CDH4: variants seen among roughly 807,000 people sequenced by gnomAD.
CDH4 encodes cadherin 4, also known as cadherin-4.
In CDH4, 33 loss-of-function variants were observed where a neutral mutation model predicts 86.0. The observed-to-expected ratio is 0.38, with a 90% CI of 0.29 to 0.51. The LOEUF (loss-of-function observed/expected upper bound fraction) is 0.51. CDH4 is among the 20% of genes least tolerant of loss of function. The pLI, the probability that CDH4 is intolerant of heterozygous loss-of-function variation, is 0.86. For synonymous variants in CDH4, 555 were observed against 549.4 expected (o/e 1.01, Z -0.14); for missense variants, 1,114 against 1,307.4 (o/e 0.85, Z 2.28).
intron 2 of CDH4, among the ~76,000 whole-genome samples, chr20:61,654,308 G>A (rs879683880): frequency 6.6e-6 from 1 of 152,204 alleles, no homozygotes; most frequent in Admixed American, 6.5e-5. Flanking sequence ...GCCTGCAATC[G>A]CAAGCACTCG....
chr20:61,837,886 G>A (rs147430730), intron 4 of CDH4, among the ~76,000 whole-genome samples: 25 of 152,164 alleles, frequency 1.6e-4, no homozygotes, highest in Admixed American at 2.6e-4. Context: ...TTGCTGGGTC[G>A]GCCACATCTC....
At chr20:61,253,910 G>A (rs1376671980) in intron 1 of CDH4, among the ~76,000 whole-genome samples, 1 of 152,186 alleles carries the variant, frequency 6.6e-6, no homozygotes, top group Non-Finnish European at 1.5e-5. Context: ...GCTCGCCGGG[G>A]AGCCAAGCAC....
At chr20:61,628,069 GCGT>G (rs2086847837) in intron 2 of CDH4, among the ~76,000 whole-genome samples, 4 of 152,114 alleles carry the variant, frequency 2.6e-5, no homozygotes, top group Admixed American at 2.6e-4. Flanking sequence ...GTGTGGGGAC[GCGT>G]GGACACAACC....
chr20:61,882,037 GA>G (rs1424202115), intron 7 of CDH4, among the ~76,000 whole-genome samples: 9 of 152,344 alleles, frequency 5.9e-5, no homozygotes, highest in African/African-American at 1.9e-4. Context: ...GAAGAGGCAG[GA>G]CAGGTCCTCC....
chr20:61,623,656 T>A lies in CDH4; in HGVS notation c.170-119907T>A, dbSNP rs1474675471. Among the ~76,000 whole-genome samples, 2 of 152,184 alleles carry A rather than the reference T, an allele frequency of 1.3e-5. No homozygotes were observed. ...TCACAGCTGATTCTGAGGGAGGTTCTGACGTCACCACGCAGCCCTGGGGAC... is the reference window on the plus strand; with the variant it reads ...TCACAGCTGATTCTGAGGGAGGTTCAGACGTCACCACGCAGCCCTGGGGAC... On this transcript the variant is annotated intron_variant, in intron 2 of 15. Transcript: ENST00000614565. This position sits in a 1 kb window ranked among gnomAD's most constrained non-coding sequence, Gnocchi z 4.4.
At chr20:61,541,325 C>T (rs2086037901) in intron 2 of CDH4, among the ~76,000 whole-genome samples, 1 of 152,218 alleles carries the variant, frequency 6.6e-6, no homozygotes, top group Non-Finnish European at 1.5e-5. Flanking sequence ...GGACGAAGCT[C>T]CTCCTGGGAT....
intron 9 of CDH4, among the ~76,000 whole-genome samples, chr20:61,918,414 C>G (rs1398558203): frequency 2.0e-5 from 3 of 152,168 alleles, no homozygotes; most frequent in African/African-American, 7.2e-5. Flanking sequence ...TCCCTATATC[C>G]CCCAGGCACC....
chr20:61,840,271 C>T (rs1390333114), intron 4 of CDH4, among the ~76,000 whole-genome samples: 1 of 152,138 alleles, frequency 6.6e-6, no homozygotes, highest in Non-Finnish European at 1.5e-5. Flanking sequence ...GGGTGGGTCT[C>T]TCCCTCCCCC....
intron 2 of CDH4, among the ~76,000 whole-genome samples, chr20:61,599,574 G>A (rs1568705779): frequency 6.6e-6 from 1 of 152,330 alleles, no homozygotes; most frequent in South Asian, 2.1e-4. Flanking sequence ...CCTCCCAGGC[G>A]GGGCAGCCCC....
intron 2 of CDH4, among the ~76,000 whole-genome samples, chr20:61,715,464 T>C (rs2098646882): frequency 6.6e-6 from 1 of 152,130 alleles, no homozygotes; most frequent in African/African-American, 2.4e-5. Flanking sequence ...AGGGAAGGCA[T>C]CACATGGTGA....
chr20:61,661,243 G>A (rs1308407809), intron 2 of CDH4, among the ~76,000 whole-genome samples: 2 of 152,176 alleles, frequency 1.3e-5, no homozygotes, highest in Non-Finnish European at 2.9e-5. Context: ...GAGCTGGGAG[G>A]CCAGCACCCC....
At chr20:61,573,607 G>T (rs975662875) in intron 2 of CDH4, among the ~76,000 whole-genome samples, 4 of 152,144 alleles carry the variant, frequency 2.6e-5, no homozygotes, top group African/African-American at 9.6e-5. Flanking sequence ...CATCCCAGGA[G>T]CCTCGGGGCC....
chr20:61,591,815 AG>A (rs2086521276), intron 2 of CDH4, among the ~76,000 whole-genome samples: 1 of 152,204 alleles, frequency 6.6e-6, no homozygotes, highest in African/African-American at 2.4e-5. Context: ...ATTATACGGC[AG>A]TTTAAAAAAA....
chr20:61,739,794 G>C (rs772429591), intron 2 of CDH4, among the ~76,000 whole-genome samples: 1 of 152,258 alleles, frequency 6.6e-6, no homozygotes, highest in South Asian at 2.1e-4. Flanking sequence ...CGCTGCAGAG[G>C]CGAGGGCAGC....
intron 2 of CDH4, among the ~76,000 whole-genome samples, chr20:61,576,548 C>G (rs1056524460): frequency 6.6e-6 from 1 of 152,132 alleles, no homozygotes; most frequent in Admixed American, 6.5e-5. Flanking sequence ...CCACTGCATC[C>G]CCTCCCTGAC....
intron 2 of CDH4, among the ~76,000 whole-genome samples, chr20:61,282,341 A>G (rs555049954): frequency 7.2e-5 from 11 of 152,364 alleles, no homozygotes; most frequent in South Asian, 4.1e-4. Context: ...CCTGGGAGAC[A>G]GCGTCAGACT....
intron 2 of CDH4, among the ~76,000 whole-genome samples, chr20:61,332,184 C>T (rs143666380): frequency 5.3e-5 from 8 of 152,330 alleles, no homozygotes; most frequent in Admixed American, 6.5e-5. Context: ...CTCACTCCTC[C>T]AGGAGACAGG....
intron 2 of CDH4, among the ~76,000 whole-genome samples, chr20:61,352,753 C>A (rs560270358): frequency 1.3e-5 from 2 of 152,046 alleles, no homozygotes; most frequent in East Asian, 1.9e-4. Context: ...GCCATTCACT[C>A]CCCCCGGTCA....
intron 4 of CDH4, among the ~76,000 whole-genome samples, chr20:61,816,057 C>T (rs951521170): frequency 5.9e-5 from 9 of 152,078 alleles, no homozygotes; most frequent in Admixed American, 5.2e-4. Context: ...GTTCCCCAAG[C>T]GGCTCCCAGG....
Sources: allele counts gnomAD v4.1 joint callset (sites outside exome capture counted in the v4.1 genomes callset), GRCh38; gene constraint gnomAD v4.1.1; non-coding constraint Gnocchi (gnomAD v3.1); transcripts MANE v1.5; gene names NCBI Gene and HGNC (gene_info 2026-07-23, HGNC 2026-07-21).